GABRB1: variants seen among roughly 807,000 people sequenced by gnomAD.
GABRB1 encodes the protein gamma-aminobutyric acid type A receptor subunit beta1.
In GABRB1, 17 loss-of-function variants were observed where a neutral mutation model predicts 51.6. The observed-to-expected ratio is 0.33, with a 90% CI of 0.23 to 0.49. The LOEUF (loss-of-function observed/expected upper bound fraction) is 0.49, where lower values mean the gene tolerates loss of function less well. Ranked by LOEUF, GABRB1 falls within the 20% of genes least tolerant of loss-of-function variation. The pLI, the probability that GABRB1 is intolerant of heterozygous loss-of-function variation, is 0.99. For missense variants in GABRB1, 410 were observed against 600.6 expected (o/e 0.68, Z 3.32); for synonymous variants, 247 against 218.9 (o/e 1.13, Z -1.14).
intron 3 of GABRB1, among the ~76,000 whole-genome samples, chr4:47,156,256 A>G (rs1717694058): frequency 6.6e-6 from 1 of 151,720 alleles, no homozygotes; most frequent in African/African-American, 2.4e-5. Flanking sequence ...AATAAAAGCC[A>G]CTGTAACTGG....
intron 1 of GABRB1, among the ~76,000 whole-genome samples, chr4:47,008,853 C>CTTTTTTTTTGTTTTTTTTTT (rs1724496476): frequency 1.2e-5 from 1 of 80,066 alleles, no homozygotes; most frequent in African/African-American, 5.3e-5. Context: ...CAGATACTAC[C>CTTTTTTTTTGTTTTTTTTTT]TTTTTTTTTT....
intron 4 of GABRB1, among the ~76,000 whole-genome samples, chr4:47,230,503 G>A (rs1184060420): frequency 6.6e-6 from 1 of 152,156 alleles, no homozygotes; most frequent in Non-Finnish European, 1.5e-5. Context: ...CCTTGGAAGG[G>A]CTAAAAATTC....
At chr4:47,052,460 C>A (rs1726392968) in intron 3 of GABRB1, among the ~76,000 whole-genome samples, 2 of 152,288 alleles carry the variant, frequency 1.3e-5, no homozygotes, top group South Asian at 4.2e-4. Context: ...TAATTCAGTT[C>A]CCATACATAC....
chr4:47,229,965 A>G (rs977719149), intron 4 of GABRB1, among the ~76,000 whole-genome samples: 1 of 152,158 alleles, frequency 6.6e-6, no homozygotes, highest in Non-Finnish European at 1.5e-5. Context: ...GATTTGTGGT[A>G]ATTTGTTGCA....
chr4:47,222,881 A>G (rs772319059), intron 4 of GABRB1, among the ~76,000 whole-genome samples: 22 of 152,136 alleles, frequency 1.4e-4, no homozygotes, highest in Non-Finnish European at 2.8e-4. Flanking sequence ...TTGCAAGCAA[A>G]CATTCTTCTT....
intron 5 of GABRB1, 63 bp from the exon 6 acceptor site, chr4:47,403,255 C>G: frequency 6.3e-7 from 1 of 1,583,574 alleles, no homozygotes; most frequent in South Asian, 1.1e-5. Context: ...CCTCTAGCTC[C>G]CAGATGGTAT....
intron 3 of GABRB1, among the ~76,000 whole-genome samples, chr4:47,125,579 G>T (rs1177982929): frequency 9.0e-5 from 1 of 11,060 alleles, no homozygotes; most frequent in Non-Finnish European, 2.2e-4. Flanking sequence ...TTTTTGAGAC[G>T]GAGTCTCGCT....
At chr4:47,100,682 G>C (rs1326292575) in intron 3 of GABRB1, among the ~76,000 whole-genome samples, 4 of 151,546 alleles carry the variant, frequency 2.6e-5, no homozygotes, top group Admixed American at 6.6e-5. Context: ...GTAAAGAAGG[G>C]GAATAAATTT....
chr4:47,278,517 A>C (rs1006470595), intron 4 of GABRB1, among the ~76,000 whole-genome samples: 1 of 152,166 alleles, frequency 6.6e-6, no homozygotes, highest in Non-Finnish European at 1.5e-5. Flanking sequence ...GTGAGGATGG[A>C]AGCAATATTT....
intron 2 of GABRB1, among the ~76,000 whole-genome samples, 190 bp from the exon 3 acceptor site, chr4:47,032,227 C>T (rs746767306): frequency 4.3e-4 from 65 of 152,210 alleles, no homozygotes; most frequent in Non-Finnish European, 7.9e-4. Flanking sequence ...GGCCGACACA[C>T]CCTCTGCATA....
At chr4:47,343,667 CTT>C (rs1185091351) in intron 5 of GABRB1, among the ~76,000 whole-genome samples, 1 of 152,184 alleles carries the variant, frequency 6.6e-6, no homozygotes, top group Non-Finnish European at 1.5e-5. Flanking sequence ...CAAAATGAGA[CTT>C]AGAAATTTGC....
intron 5 of GABRB1, among the ~76,000 whole-genome samples, chr4:47,337,501 A>G (rs1725739925): frequency 6.6e-6 from 1 of 152,090 alleles, no homozygotes; most frequent in African/African-American, 2.4e-5. Flanking sequence ...AACTGAAGAC[A>G]GAATAAGGAA....
rs553821148 is a variant in GABRB1 at position 47,144,116 on chromosome 4, A to AT, written c.241-17133_241-17132insT. 4.4e-3 allele frequency among the ~76,000 whole-genome samples: 676 copies of AT among 152,114 alleles called. 10 individuals carry two copies. Among genetic ancestry groups the AT allele is most frequent in the East Asian group, 0.021 (107 of 5,166 alleles). On this transcript the variant is annotated intron_variant, in intron 3 of 8. Transcript: ENST00000295454. Reference sequence around the variant, plus strand: ...CAAAAATTCAAGAATCTAAATGCTAAGTACCAAAATGCTACAGATAAGAAG... The same window carrying AT: ...CAAAAATTCAAGAATCTAAATGCTAATGTACCAAAATGCTACAGATAAGAAG...
chr4:47,044,006 C>A (rs535013961), intron 3 of GABRB1, among the ~76,000 whole-genome samples: 88 of 152,202 alleles, frequency 5.8e-4, no homozygotes, highest in African/African-American at 2.0e-3. Context: ...TACGTTTTCC[C>A]AGAATCAGCA....
chr4:47,273,185 C>A (rs534940001), intron 4 of GABRB1, among the ~76,000 whole-genome samples: 1 of 152,274 alleles, frequency 6.6e-6, no homozygotes, highest in South Asian at 2.1e-4. Flanking sequence ...TATTCTTGAA[C>A]ATTTCCATCT....
rs888330251 is a variant in GABRB1, at chr4:47,374,048, C to T, written c.545-29270C>T. Among the ~76,000 whole-genome samples, 163 of 152,172 alleles carry T rather than the reference C, an allele frequency of 1.1e-3. 4 individuals are homozygous for T. The highest frequency in any genetic ancestry group is 3.2e-4 in the Non-Finnish European group (22 of 67,984). ...CTCAGTGTCGGGAGTGAGGGAAAGACACCATACACCATGCAAAGCCCTTGA... is the reference window on the plus strand; with the variant it reads ...CTCAGTGTCGGGAGTGAGGGAAAGATACCATACACCATGCAAAGCCCTTGA... On this transcript the variant is annotated intron_variant, in intron 5 of 8. Transcript: ENST00000295454.
At chr4:47,317,910 A>G (rs1271130818) in intron 4 of GABRB1, among the ~76,000 whole-genome samples, 1 of 151,950 alleles carries the variant, frequency 6.6e-6, no homozygotes, top group Non-Finnish European at 1.5e-5. Flanking sequence ...CCTCTTGGTC[A>G]TTGTACATAA....
intron 4 of GABRB1, among the ~76,000 whole-genome samples, chr4:47,300,215 A>G (rs1475714098): frequency 1.3e-5 from 2 of 152,122 alleles, no homozygotes; most frequent in Non-Finnish European, 2.9e-5. Context: ...CATTGTGCAC[A>G]TGTATCCTAA....
chr4:47,407,888 T>C (rs185982435), intron 8 of GABRB1, among the ~76,000 whole-genome samples: 1 of 152,182 alleles, frequency 6.6e-6, no homozygotes, highest in South Asian at 2.1e-4. Flanking sequence ...GCCTAGGAGT[T>C]TGAGACCAGC....
Sources: gnomAD v4.1 joint callset for allele counts (sites outside exome capture counted in the v4.1 genomes callset) on GRCh38, gnomAD v4.1.1 for gene constraint, MANE v1.5 for transcripts, NCBI Gene and HGNC (gene_info 2026-07-23, HGNC 2026-07-21) for gene names.